The following PIP5K1A variants were observed in gnomAD, a reference collection of about 807,000 sequenced individuals.
PIP5K1A encodes the protein phosphatidylinositol-4-phosphate 5-kinase type 1 alpha.
In PIP5K1A, 46 loss-of-function variants were observed where a neutral mutation model predicts 72.9. The observed-to-expected ratio is 0.63, with a 90% CI of 0.50 to 0.81. The LOEUF is 0.81. Among genes scored for constraint, PIP5K1A ranks in the 30% least tolerant of loss-of-function variants. The pLI is 0.00. For missense variants in PIP5K1A, 458 were observed against 706.1 expected (o/e 0.65, Z 3.98); for synonymous variants, 228 against 255.1 (o/e 0.89, Z 1.01).
chr1:151,223,590 A>G (rs1351476694), intron 1 of PIP5K1A, among the ~76,000 whole-genome samples: 1 of 143,106 alleles, frequency 7.0e-6, no homozygotes, highest in East Asian at 2.3e-4. Flanking sequence ...GGTTGCAGTG[A>G]GCCGAGATCG....
rs747867472 is a variant in PIP5K1A, at chr1:151,199,022, C to A, written c.26C>A (p.Ser9Ter). ...ATGGCGTCGGCCTCCTCCGGGCCGT[C>A]GTCTTCGGTCGGTTTTTCATCCTTT... MASASSGPSSSVGFSSFDP... is the reference protein window; with the variant it reads MASASSGP The change falls in exon 1 of 16, where the codon TCG (serine) becomes TAG (stop). Residue 9 changes from serine to a stop codon, truncating the protein, a stop_gained. Transcript: ENST00000368888. LOFTEE classifies it high-confidence loss of function. The A allele has an allele frequency of 3.1e-6, 5 of 1,614,066 alleles. No homozygotes were observed. Among genetic ancestry groups the A allele is most frequent in the African/African-American group, 1.3e-5 (1 of 74,956 alleles).
intron 1 of PIP5K1A, among the ~76,000 whole-genome samples, chr1:151,211,090 C>T (rs1161690099): frequency 6.6e-6 from 1 of 152,182 alleles, no homozygotes; most frequent in Non-Finnish European, 1.5e-5. Context: ...TAGATGATGT[C>T]ATTGCATCTC....
intron 1 of PIP5K1A, among the ~76,000 whole-genome samples, chr1:151,216,600 A>G (rs1214929554): frequency 3.3e-5 from 5 of 152,074 alleles, no homozygotes; most frequent in African/African-American, 1.2e-4. Flanking sequence ...CTTTTGTTTC[A>G]GTAAACCAGT....
At chr1:151,238,829 C>T (rs1183044846) in intron 10 of PIP5K1A, among the ~76,000 whole-genome samples, 1 of 152,146 alleles carries the variant, frequency 6.6e-6, no homozygotes, top group Non-Finnish European at 1.5e-5. Context: ...TCCAGTCTTG[C>T]CCATCTGTTC....
chr1:151,229,640 C>A (rs587694017), intron 4 of PIP5K1A, among the ~76,000 whole-genome samples: 1 of 150,024 alleles, frequency 6.7e-6, no homozygotes, highest in East Asian at 2.0e-4. Context: ...GGATTACAGG[C>A]ATGAGCCACA....
intron 10 of PIP5K1A, 78 bp from the exon 11 acceptor site, chr1:151,239,052 T>C: frequency 5.8e-6 from 6 of 1,031,910 alleles, no homozygotes; most frequent in Non-Finnish European, 9.1e-6. Flanking sequence ...ATTACCCCTT[T>C]AACCCCCTAA....
intron 14 of PIP5K1A, 80 bp downstream of exon 14, chr1:151,242,647 C>T: frequency 8.3e-7 from 1 of 1,201,124 alleles, no homozygotes; most frequent in Non-Finnish European, 1.2e-6. Context: ...TTGATTGCAT[C>T]ATAATAAATT....
intron 14 of PIP5K1A, among the ~76,000 whole-genome samples, chr1:151,245,370 G>A (rs1469687070): frequency 6.6e-6 from 1 of 151,954 alleles, no homozygotes. Flanking sequence ...GCCCTCACTG[G>A]TAACCCCCTT....
chr1:151,229,162 C>T (rs587597205), intron 4 of PIP5K1A, among the ~76,000 whole-genome samples: 48 of 83,744 alleles, frequency 5.7e-4, no homozygotes, highest in South Asian at 1.3e-3. Flanking sequence ...AGCGAGACCC[C>T]GTCTCAAAAA....
chr1:151,216,904 T>TG (rs1479171838), intron 1 of PIP5K1A, among the ~76,000 whole-genome samples: 2 of 14,476 alleles, frequency 1.4e-4, no homozygotes, highest in Non-Finnish European at 3.9e-4. Context: ...GTAAATGTTT[T>TG]TTTTTTTTTT....
intron 1 of PIP5K1A, 192 bp from the exon 2 acceptor site, chr1:151,224,053 G>A: frequency 1.7e-6 from 1 of 600,582 alleles, no homozygotes. Flanking sequence ...GAATATGCAC[G>A]AGGCCTATGT....
At chr1:151,211,838 T>G (rs1436873473) in intron 1 of PIP5K1A, among the ~76,000 whole-genome samples, 2 of 149,372 alleles carry the variant, frequency 1.3e-5, no homozygotes, top group Non-Finnish European at 3.0e-5. Flanking sequence ...GTGCGGTGGC[T>G]CACGCCTGTA....
At chr1:151,228,168 C>CA (rs1172604009) in intron 4 of PIP5K1A, among the ~76,000 whole-genome samples, 1 of 151,766 alleles carries the variant, frequency 6.6e-6, no homozygotes, top group Non-Finnish European at 1.5e-5. Flanking sequence ...GCCAGGGTGT[C>CA]AATCTGTCAC....
At chr1:151,196,526 G>T (rs1165087532), upstream of PIP5K1A, among the ~76,000 whole-genome samples, 4 of 149,620 alleles carry the variant, frequency 2.7e-5, no homozygotes, top group African/African-American at 9.8e-5. Flanking sequence ...GGGAGGAGTA[G>T]AAGGCTGCAG....
At chr1:151,203,573 C>G (rs1685505996) in intron 1 of PIP5K1A, among the ~76,000 whole-genome samples, 1 of 151,600 alleles carries the variant, frequency 6.6e-6, no homozygotes, top group Non-Finnish European at 1.5e-5. Flanking sequence ...CGCCTGTAAT[C>G]CCAGCACTTT....
chr1:151,211,119 T>C (rs1686737670), intron 1 of PIP5K1A, among the ~76,000 whole-genome samples: 1 of 152,206 alleles, frequency 6.6e-6, no homozygotes, highest in African/African-American at 2.4e-5. Flanking sequence ...ATGCTTCTGC[T>C]CTGAAAGTGC....
intron 9 of PIP5K1A, among the ~76,000 whole-genome samples, chr1:151,237,279 G>T (rs1387636069): frequency 6.6e-6 from 1 of 152,178 alleles, no homozygotes; most frequent in Non-Finnish European, 1.5e-5. Flanking sequence ...TTAATTTCGG[G>T]TTTATAGTAT....
At chr1:151,231,595 C>T in intron 4 of PIP5K1A, 76 bp from the exon 5 acceptor site, 1 of 1,298,176 alleles carries the variant, frequency 7.7e-7, no homozygotes, top group South Asian at 1.2e-5. Flanking sequence ...TTCCTTCTAG[C>T]TTCCCCTTTC....
At chr1:151,233,878 A>G (rs1690473466) in intron 7 of PIP5K1A, 1 of 269,062 alleles carries the variant, frequency 3.7e-6, no homozygotes, top group East Asian at 8.0e-5. Flanking sequence ...TACCTGCCTT[A>G]CCATCCCCAA....
Sources: gnomAD v4.1 joint callset for allele counts (sites outside exome capture counted in the v4.1 genomes callset) on GRCh38, gnomAD v4.1.1 for gene constraint, MANE v1.5 for transcripts, NCBI Gene and HGNC (gene_info 2026-07-23, HGNC 2026-07-21) for gene names.